The following TTN variants were observed in gnomAD, a reference collection of about 807,000 sequenced individuals.
TTN encodes titin.
TTN carries 1,525 observed loss-of-function variants against 3,223.0 expected under a neutral mutation model. The ratio of observed to expected loss-of-function variants is 0.47; its 90% CI spans 0.45 to 0.49. TTN has a LOEUF of 0.49. Ranked by LOEUF, TTN falls within the 20% of genes least tolerant of loss-of-function variation. TTN has a pLI of 0.00. For missense variants in TTN, 40,786 were observed against 43,424.0 expected (o/e 0.94, Z 5.40); for synonymous variants, 14,094 against 15,161.0 (o/e 0.93, Z 5.17).
chr2:178,695,251 C>A, intron 115 of TTN, 97 bp downstream of exon 115: 2 of 816,408 alleles, frequency 2.4e-6, no homozygotes, highest in Admixed American at 2.3e-5. Context: ...AGAAGTTGTG[C>A]CTATTGGATT....
chr2:178,763,004 G>A (rs568626008), intron 43 of TTN, among the ~76,000 whole-genome samples: 11 of 152,302 alleles, frequency 7.2e-5, no homozygotes, highest in Admixed American at 3.3e-4. Context: ...CTAACCTGTT[G>A]AGAAAAATAA....
At chr2:178,769,039 G>A in intron 37 of TTN, 106 bp from the exon 38 acceptor site, 1 of 1,276,296 alleles carries the variant, frequency 7.8e-7, no homozygotes, top group Non-Finnish European at 1.1e-6. Flanking sequence ...TGCGTCTGTT[G>A]AGGAGATTAC....
rs185931752 is a variant in TTN at position 178,749,701 on chromosome 2, A to T, written c.11311+3423T>A. On this transcript the variant is annotated intron_variant, in intron 47 of 362. Coordinates refer to ENST00000589042, the MANE Select transcript of TTN (RefSeq NM_001267550.2). ...TTTCAACTGCCCCTGAATTGTTTTC[A>T]GCAACACATTTATATTTTCCAGAAT... The T allele has an allele frequency of 5.6e-6, 9 of 1,613,052 alleles. No individual in the cohort carries two copies. In the East Asian group the frequency reaches 2.0e-4, roughly 36 times the overall value.
chr2:178,695,455 A>C (rs774289887), intron 114 of TTN, 45 bp from the exon 115 acceptor site: 2 of 1,493,254 alleles, frequency 1.3e-6, no homozygotes, highest in Non-Finnish European at 1.9e-6. Context: ...TAAATAGGTA[A>C]GTTCTCTTAG....
rs767208489 is a variant in TTN at position 178,576,020 on chromosome 2, C to G, written c.70112G>C (p.Arg23371Pro). The G allele has an allele frequency of 5.0e-6, 8 of 1,612,808 alleles. No homozygotes were observed. The highest frequency in any genetic ancestry group is 2.7e-5 in the African/African-American group (2 of 74,870). Reference sequence around the variant, plus strand: ...GGTCCATGTCACTTCAGGAGCAGGACGACCTTTAATTGGCACAAATATCCT... The same window carrying G: ...GGTCCATGTCACTTCAGGAGCAGGAGGACCTTTAATTGGCACAAATATCCT... ...SIRIFVPIKG[R>P]PAPEVTWTKD... Residue 23371 changes from arginine to proline, a missense_variant, in exon 326 of 363, where the codon CGT becomes CCT. Arg to Pro is a moderately radical substitution (Grantham distance 103). Coordinates refer to ENST00000589042, the MANE Select transcript of TTN (RefSeq NM_001267550.2). The surrounding 1 kb of genome is among the most constrained non-coding windows in gnomAD (Gnocchi z 4.3).
intron 52 of TTN, 53 bp from the exon 53 acceptor site, chr2:178,733,945 C>T (rs769638202): frequency 2.2e-5 from 32 of 1,487,198 alleles, no homozygotes; most frequent in Non-Finnish European, 2.9e-5. Context: ...ACACTTTCAA[C>T]ACCATCTATA....
At chr2:178,792,870 C>A (rs1257055162) in intron 9 of TTN, among the ~76,000 whole-genome samples, 1 of 152,214 alleles carries the variant, frequency 6.6e-6, no homozygotes, top group Non-Finnish European at 1.5e-5. Flanking sequence ...TACTAACTGG[C>A]ATTTTCCAAT....
chr2:178,644,622 A>G lies in TTN; in HGVS notation c.40409-6T>C, dbSNP rs1311388113. The stretch of plus-strand genomic sequence containing the variant: ...AACTTTCTTCTTTGGAATAGCTTTA[A>G]AGAATATGATTTTACTTTTGTTATT... On this transcript the variant is annotated splice_region_variant and splice_polypyrimidine_tract_variant and intron_variant, in intron 217 of 362. Transcript: ENST00000589042. 1.9e-6 allele frequency: 3 copies of G among 1,545,954 alleles called. No individual in the cohort carries two copies. Among genetic ancestry groups the G allele is most frequent in the Admixed American group, 4.3e-5 (2 of 46,486 alleles).
Position 178,673,999 on chromosome 2 carries a change from TC to T in TTN, c.34709-290del, listed in dbSNP as rs1040462889. On this transcript the variant is annotated intron_variant, in intron 151 of 362. Coordinates refer to ENST00000589042, the MANE Select transcript of TTN (RefSeq NM_001267550.2). The stretch of plus-strand genomic sequence containing the variant: ...GAACACTTTCACCAGAGAAATAGAT[TC>T]CCCCCATATTAATATTAAAAACAAA... 4.1e-4 allele frequency among the ~76,000 whole-genome samples: 62 copies of T among 151,272 alleles called. 1 individual carries two copies. The highest frequency in any genetic ancestry group is 7.4e-5 in the Non-Finnish European group (5 of 67,638).
In TTN at chr2:178,718,082, A is replaced by G; in HGVS notation, c.24924T>C (p.Pro8308=). The part of the protein sequence containing the change: ...YKEHTKLRSA[P]AYKMQFKNNV... ...TATTTTTGAATTGCATTTTATATGC[A>G]GGAGCTGATCGTAGCTTTGTGTGTT... The change falls in exon 86 of 363, where the codon CCT becomes CCC. Residue 8308 remains proline, a synonymous_variant. Transcript: ENST00000589042. The G allele has an allele frequency of 6.2e-7, 1 of 1,613,612 alleles. No homozygotes were observed. Among genetic ancestry groups the G allele is most frequent in the Non-Finnish European group, 8.5e-7 (1 of 1,179,692 alleles).
At chr2:178,671,840 C>G (rs2067043995) in intron 155 of TTN, 131 bp downstream of exon 155, 4 of 903,230 alleles carry the variant, frequency 4.4e-6, no homozygotes. Flanking sequence ...ATCTTTGTGT[C>G]AACTAGTTTA....
chr2:178,571,246 A>C lies in TTN; in HGVS notation c.74886T>G (p.Pro24962=). ...TTGTCTTAAACTTGGTTTGAGGAAT[A>C]GGTGTTTTATTCAACTTAACCCAGA... The part of the protein sequence containing the change: ...SILWVKLNKT[P]IPQTKFKTTG... The change falls in exon 326 of 363, where the codon CCT becomes CCG. Residue 24962 remains proline (P), a synonymous_variant. Coordinates refer to ENST00000589042, the MANE Select transcript of TTN (RefSeq NM_001267550.2). 4.3e-6 allele frequency: 7 copies of C among 1,613,526 alleles called. No homozygotes were observed. Among genetic ancestry groups the C allele is most frequent in the Non-Finnish European group, 5.9e-6 (7 of 1,179,640 alleles).
In TTN at chr2:178,580,517, G is replaced by T; in HGVS notation, c.66862C>A (p.Arg22288Ser). Residue 22288 changes from arginine to serine, a missense_variant, in exon 317 of 363, where the codon CGC becomes AGC. Arg to Ser is a moderately radical substitution (Grantham distance 110). Transcript: ENST00000589042. ...GACCAAGTAATCTTTGGAGGTGGGC[G>T]TCCTTTTACTGGTACATATAGTCTC... ...TMRLYVPVKGRPPPKITWSKP... is the reference protein window; with the variant it reads ...TMRLYVPVKGSPPPKITWSKP... 1.2e-6 allele frequency: 2 copies of T among 1,612,790 alleles called. No homozygotes were observed. The highest frequency in any genetic ancestry group is 2.2e-5 in the South Asian group (2 of 91,038).
In TTN at chr2:178,624,467, A is replaced by G. The variant is rs571522834; in HGVS notation, c.44813T>C (p.Val14938Ala). The G allele has an allele frequency of 4.1e-5, 66 of 1,612,274 alleles. No individual in the cohort carries two copies. The East Asian group carries it at 1.3e-3, about 32-fold the overall frequency. The change falls in exon 242 of 363, where the codon GTG (valine) becomes GCG (alanine). Residue 14938 changes from valine to alanine, a missense_variant and splice_region_variant. Transcript: ENST00000589042. ...TCCTTTGTAAGAAGAATACTTACGC[A>G]CGACATTCAGGTTACAGGAAGTCTT... The part of the protein sequence containing the change: ...DFKTSCNLNV[V>A]PPHVEFLRPL...
In TTN at chr2:178,539,690, A is replaced by G. The variant is rs747325715; in HGVS notation, c.98375T>C (p.Val32792Ala). Residue 32792 changes from valine (V) to alanine (A), a missense_variant, in exon 352 of 363, where the codon GTG (valine) becomes GCG (alanine). Coordinates refer to ENST00000589042, the MANE Select transcript of TTN (RefSeq NM_001267550.2). ...GKKAVYIKVR[V>A]IGSPNSPEGP... ...TTCTGGACTGTTGGGACTTCCTATC[A>G]CCCTGACCTTGATGTAGACAGCCTT... 1.2e-6 allele frequency: 2 copies of G among 1,613,568 alleles called. No homozygotes were observed. The highest frequency in any genetic ancestry group is 1.1e-5 in the South Asian group (1 of 91,072).
intron 24 of TTN, 108 bp downstream of exon 24, chr2:178,778,766 G>A (rs1291781716): frequency 6.7e-7 from 1 of 1,486,198 alleles, no homozygotes; most frequent in Non-Finnish European, 9.2e-7. Flanking sequence ...GTAAGTTTCT[G>A]TGCCATTTTA....
intron 250 of TTN, chr2:178,619,056 A>G (rs751432910): frequency 1.5e-6 from 1 of 670,324 alleles, no homozygotes. Flanking sequence ...TGGAGAGTAG[A>G]GGATTGAGAA....
Position 178,529,193 on chromosome 2 carries a change from C to T in TTN, c.106558G>A (p.Val35520Ile), listed in dbSNP as rs1687884807. The change falls in exon 360 of 363, where the codon GTC becomes ATC. Residue 35520 changes from valine (V) to isoleucine (I), a missense_variant. Transcript: ENST00000589042. ...KAIKDTEAQK[V>I]STQKTSEITP... ...ATTTCAGAAGTCTTTTGTGTAGAGA[C>T]TTTCTGTGCCTCAGTATCTTTTATA... The T allele has an allele frequency of 2.7e-6, 4 of 1,504,594 alleles. No homozygotes were observed. Among genetic ancestry groups the T allele is most frequent in the Non-Finnish European group, 3.5e-6 (4 of 1,131,472 alleles). The allele number at this position is 1,504,594 out of a possible 1,614,324, so 93.2% of individuals were successfully genotyped here.
chr2:178,576,062 C>G lies in TTN; in HGVS notation c.70070G>C (p.Arg23357Thr), dbSNP rs375401995. Residue 23357 changes from arginine (R) to threonine (T), a missense_variant, in exon 326 of 363, where the codon AGA (arginine) becomes ACA (threonine). By Grantham distance (71) the Arg-to-Thr change is moderately conservative. Transcript: ENST00000589042. The surrounding 1 kb of genome is among the most constrained non-coding windows in gnomAD (Gnocchi z 4.3). ...AAATATCCTAATACTGAGTCCTGCTCTAACAACAAGTGTTCTTCGAAGCTC... is the reference window on the plus strand; with the variant it reads ...AAATATCCTAATACTGAGTCCTGCTGTAACAACAAGTGTTCTTCGAAGCTC... ...DAELRRTLVV[R>T]AGLSIRIFVP... 13 of 1,613,410 alleles carry G rather than the reference C, an allele frequency of 8.1e-6. No individual in the cohort carries two copies. Among genetic ancestry groups the G allele is most frequent in the Non-Finnish European group, 1.0e-5 (12 of 1,179,628 alleles).
Sources: allele counts gnomAD v4.1 joint callset (sites outside exome capture counted in the v4.1 genomes callset), GRCh38; gene constraint gnomAD v4.1.1; non-coding constraint Gnocchi (gnomAD v3.1); transcripts MANE v1.5; gene names NCBI Gene and HGNC (gene_info 2026-07-23, HGNC 2026-07-21).